CAMK2D: variants seen among roughly 807,000 people sequenced by gnomAD.
CAMK2D encodes calcium/calmodulin dependent protein kinase II delta, also known as calcium/calmodulin-dependent protein kinase type II subunit delta.
Under a neutral mutation model 84.0 loss-of-function variants are expected in CAMK2D, and 37 were observed. That is an observed-to-expected ratio of 0.44 (90% confidence interval 0.34 to 0.58). The LOEUF (loss-of-function observed/expected upper bound fraction) is 0.58. Ranked by LOEUF, CAMK2D falls within the 20% of genes least tolerant of loss-of-function variation. CAMK2D has a pLI of 0.02. For synonymous variants in CAMK2D, 202 were observed against 212.5 expected (o/e 0.95, Z 0.43); for missense variants, 448 against 652.5 (o/e 0.69, Z 3.41).
intron 3 of CAMK2D, among the ~76,000 whole-genome samples, chr4:113,640,935 C>T (rs1448704457): frequency 6.6e-6 from 1 of 152,158 alleles, no homozygotes; most frequent in Non-Finnish European, 1.5e-5. Flanking sequence ...AAATCTTATC[C>T]TTTCAGATTC....
intron 6 of CAMK2D, among the ~76,000 whole-genome samples, chr4:113,540,438 G>A (rs1364601493): frequency 6.6e-6 from 1 of 152,126 alleles, no homozygotes; most frequent in Non-Finnish European, 1.5e-5. Context: ...TTCTAATGTA[G>A]CTAGCTGACT....
chr4:113,540,119 A>G (rs183984987), intron 6 of CAMK2D, among the ~76,000 whole-genome samples: 7 of 152,284 alleles, frequency 4.6e-5, no homozygotes, highest in Admixed American at 4.6e-4. Context: ...GACTTTCTAA[A>G]GCAACATTTT....
chr4:113,539,510 G>A (rs2098515658), intron 6 of CAMK2D, among the ~76,000 whole-genome samples: 1 of 152,172 alleles, frequency 6.6e-6, no homozygotes. Flanking sequence ...TGTTGGGCAG[G>A]GCTTGTGTGC....
chr4:113,511,511 T>C (rs1279607855), intron 12 of CAMK2D, among the ~76,000 whole-genome samples: 1 of 152,170 alleles, frequency 6.6e-6, no homozygotes, highest in Non-Finnish European at 1.5e-5. Context: ...CAGTTTTAAA[T>C]GTGAAGATTT....
intron 17 of CAMK2D, among the ~76,000 whole-genome samples, chr4:113,462,503 C>A (rs2097400053): frequency 6.6e-6 from 1 of 152,062 alleles, no homozygotes; most frequent in Non-Finnish European, 1.5e-5. Flanking sequence ...TACATTCTAC[C>A]ATCCCAAAAG....
intron 16 of CAMK2D, among the ~76,000 whole-genome samples, chr4:113,467,528 T>C (rs1237733494): frequency 1.3e-5 from 2 of 152,210 alleles, no homozygotes; most frequent in East Asian, 1.9e-4. Context: ...TCAAGGTCTA[T>C]AATATTAAAA....
At chr4:113,540,397 A>T (rs1426022136) in intron 6 of CAMK2D, among the ~76,000 whole-genome samples, 1 of 152,178 alleles carries the variant, frequency 6.6e-6, no homozygotes, top group East Asian at 1.9e-4. Flanking sequence ...TTCTAACACG[A>T]ATCAGACAGG....
intron 2 of CAMK2D, among the ~76,000 whole-genome samples, chr4:113,680,873 G>T (rs2099343616): frequency 1.3e-5 from 2 of 152,170 alleles, no homozygotes; most frequent in Admixed American, 6.5e-5. Flanking sequence ...TTTCTCTGGG[G>T]CAGCACTGGG....
At chr4:113,508,386 T>C in intron 13 of CAMK2D, 1 of 718,020 alleles carries the variant, frequency 1.4e-6, no homozygotes, top group Non-Finnish European at 2.4e-6. Flanking sequence ...ATAAGTTGAA[T>C]GGAAGGAAAA....
intron 9 of CAMK2D, 56 bp downstream of exon 9, chr4:113,517,507 G>A: frequency 1.3e-6 from 1 of 770,390 alleles, no homozygotes; most frequent in Non-Finnish European, 2.2e-6. Context: ...CTGGCTCTTG[G>A]TCAACAGGCA....
chr4:113,708,221 C>T (rs1276057524), intron 2 of CAMK2D, among the ~76,000 whole-genome samples: 1 of 152,086 alleles, frequency 6.6e-6, no homozygotes, highest in Non-Finnish European at 1.5e-5. Flanking sequence ...CAAAAGGGTC[C>T]CACATTTGTG....
At chr4:113,734,912 A>C (rs1351082743) in intron 2 of CAMK2D, among the ~76,000 whole-genome samples, 2 of 150,796 alleles carry the variant, frequency 1.3e-5, no homozygotes, top group Non-Finnish European at 3.0e-5. Flanking sequence ...AAAAAAAAAG[A>C]AGCAGAAAAA....
At chr4:113,742,021 T>G (rs1156393594) in intron 2 of CAMK2D, among the ~76,000 whole-genome samples, 1 of 152,216 alleles carries the variant, frequency 6.6e-6, no homozygotes, top group East Asian at 1.9e-4. Flanking sequence ...CCTGCTATAT[T>G]TTCTTCATAG....
At chr4:113,694,286 G>A (rs1339464840) in intron 2 of CAMK2D, among the ~76,000 whole-genome samples, 3 of 152,172 alleles carry the variant, frequency 2.0e-5, no homozygotes, top group African/African-American at 7.2e-5. Context: ...AGCCACTGAT[G>A]ATTTATTAAT....
intron 4 of CAMK2D, among the ~76,000 whole-genome samples, chr4:113,589,096 A>G (rs2098847059): frequency 6.6e-6 from 1 of 152,140 alleles, no homozygotes; most frequent in Non-Finnish European, 1.5e-5. Context: ...AGCATGTCCC[A>G]GGCTGTGAGG....
intron 2 of CAMK2D, among the ~76,000 whole-genome samples, chr4:113,677,341 A>AT (rs980792476): frequency 1.1e-4 from 17 of 152,006 alleles, no homozygotes; most frequent in Admixed American, 7.9e-4. Flanking sequence ...ATCTATGTTG[A>AT]TTTTTTTTGT....
chr4:113,726,951 C>A (rs2099547649), intron 2 of CAMK2D, among the ~76,000 whole-genome samples: 1 of 152,152 alleles, frequency 6.6e-6, no homozygotes, highest in African/African-American at 2.4e-5. Context: ...GAGATACCCT[C>A]TCTTAACACC....
At chr4:113,670,784 C>T (rs1445193348) in intron 2 of CAMK2D, among the ~76,000 whole-genome samples, 3 of 151,716 alleles carry the variant, frequency 2.0e-5, no homozygotes, top group African/African-American at 7.3e-5. Flanking sequence ...AAAAATTAGC[C>T]GGGCACAGTG....
At chr4:113,667,209 A>G (rs1014028) in intron 2 of CAMK2D, among the ~76,000 whole-genome samples, 13,513 of 152,194 alleles carry the variant, frequency 0.089, 774 homozygotes, top group East Asian at 0.22. Context: ...TTCATGAGTT[A>G]TTGCTGTCAG....
Sources: gnomAD v4.1 joint callset for allele counts (sites outside exome capture counted in the v4.1 genomes callset) on GRCh38, gnomAD v4.1.1 for gene constraint, MANE v1.5 for transcripts, NCBI Gene and HGNC (gene_info 2026-07-23, HGNC 2026-07-21) for gene names.